Variants in ZC3H7B observed in about 807,000 individuals in gnomAD.
The protein encoded by ZC3H7B is zinc finger CCCH domain-containing protein 7B.
ZC3H7B carries 35 observed loss-of-function variants against 116.0 expected under a neutral mutation model. The ratio of observed to expected loss-of-function variants is 0.30; its 90% CI spans 0.23 to 0.40. The LOEUF (loss-of-function observed/expected upper bound fraction) is 0.40. ZC3H7B is among the 10% of genes least tolerant of loss of function. ZC3H7B has a pLI of 1.00. For synonymous variants in ZC3H7B, 502 were observed against 545.6 expected (o/e 0.92, Z 1.11); for missense variants, 1,011 against 1,321.5 (o/e 0.77, Z 3.64).
intron 16 of ZC3H7B, among the ~76,000 whole-genome samples, chr22:41,350,384 T>G (rs2036640956): frequency 6.6e-6 from 1 of 152,076 alleles, no homozygotes; most frequent in Admixed American, 6.5e-5. Flanking sequence ...TGGGTGGAGT[T>G]ATATGATCTG....
In ZC3H7B at chr22:41,339,052, C is replaced by T. The variant is rs142339754; in HGVS notation, c.677C>T (p.Thr226Met). 129 of 1,609,070 alleles carry T rather than the reference C, an allele frequency of 8.0e-5. No homozygotes were observed. The highest frequency in any genetic ancestry group is 1.0e-4 in the Non-Finnish European group (119 of 1,177,200). The stretch of plus-strand genomic sequence containing the variant: ...CCAGCCCTTCTCCCCTCCACGCCCA[C>T]GATGCCCCTGTTCCCTCACGTTCTG... ...GSPALLPSTP[T>M]MPLFPHVLDL... The change falls in exon 9 of 23, where the codon ACG becomes ATG. Residue 226 changes from threonine to methionine, a missense_variant. By Grantham distance (81) the Thr-to-Met change is moderately conservative (BLOSUM62 -1). Around this residue, in one of 5 missense-constraint regions of ZC3H7B, gnomAD observed 322 missense variants for 443.9 expected, o/e 0.73. Coordinates refer to ENST00000352645, the MANE Select transcript of ZC3H7B (RefSeq NM_017590.6).
rs911002791 is a variant in ZC3H7B at position 41,327,660 on chromosome 22, C to G, written c.444+296C>G. ...TGATGAGGCCAGACACAGTGGCTCACGCCTGTAATCTCAGCACTTTCGGAG... is the reference window on the plus strand; with the variant it reads ...TGATGAGGCCAGACACAGTGGCTCAGGCCTGTAATCTCAGCACTTTCGGAG... On this transcript the variant is annotated intron_variant, in intron 5 of 22. Transcript: ENST00000352645. This position sits in a 1 kb window ranked among gnomAD's most constrained non-coding sequence, Gnocchi z 4.5. Among the ~76,000 whole-genome samples, 1 of 152,006 alleles carries G rather than the reference C, an allele frequency of 6.6e-6. No homozygotes were observed. The highest frequency in any genetic ancestry group is 6.6e-5 in the Admixed American group (1 of 15,256).
At chr22:41,323,609 G>A (rs1433824516) in intron 2 of ZC3H7B, among the ~76,000 whole-genome samples, 1 of 152,208 alleles carries the variant, frequency 6.6e-6, no homozygotes. Context: ...GCCTCCTAAG[G>A]CTTTGCAGGA....
In ZC3H7B at chr22:41,327,024, G is replaced by A. The variant is rs2036327971; in HGVS notation, c.286-182G>A. 6.6e-6 allele frequency among the ~76,000 whole-genome samples: 1 copy of A among 152,202 alleles called. No individual in the cohort carries two copies. Among genetic ancestry groups the A allele is most frequent in the Admixed American group, 6.5e-5 (1 of 15,276 alleles). On this transcript the variant is annotated intron_variant, in intron 4 of 22. Coordinates refer to ENST00000352645, the MANE Select transcript of ZC3H7B (RefSeq NM_017590.6). This position sits in a 1 kb window ranked among gnomAD's most constrained non-coding sequence, Gnocchi z 4.5. ...GGACACACAGACACCCTTGATCAGAGTCTGGACACCAGAGTGCTTCCTTCT... is the reference window on the plus strand; with the variant it reads ...GGACACACAGACACCCTTGATCAGAATCTGGACACCAGAGTGCTTCCTTCT...
chr22:41,305,565 C>T (rs905552791), intron 1 of ZC3H7B, among the ~76,000 whole-genome samples: 1 of 152,062 alleles, frequency 6.6e-6, no homozygotes, highest in South Asian at 2.1e-4. Context: ...ACTGGGGTAG[C>T]ATTGTCAACA....
intron 1 of ZC3H7B, among the ~76,000 whole-genome samples, chr22:41,306,750 G>GA (rs1388371200): frequency 6.6e-6 from 1 of 152,170 alleles, no homozygotes; most frequent in Non-Finnish European, 1.5e-5. Context: ...GTGGCATAGA[G>GA]AGGTTCAGTG....
At chr22:41,337,609 G>A (rs1268851159) in intron 7 of ZC3H7B, among the ~76,000 whole-genome samples, 1 of 152,216 alleles carries the variant, frequency 6.6e-6, no homozygotes, top group Non-Finnish European at 1.5e-5. Context: ...GACTCAGGGA[G>A]GGGGCACTTT....
At chr22:41,319,198 G>C (rs183982238) in intron 1 of ZC3H7B, among the ~76,000 whole-genome samples, 1 of 152,122 alleles carries the variant, frequency 6.6e-6, no homozygotes, top group African/African-American at 2.4e-5. Context: ...TCAGGCGATC[G>C]AGACCATCCT....
At chr22:41,308,795 G>A (rs901822051) in intron 1 of ZC3H7B, among the ~76,000 whole-genome samples, 1 of 152,082 alleles carries the variant, frequency 6.6e-6, no homozygotes, top group African/African-American at 2.4e-5. Context: ...TGCCTCCCAC[G>A]TGGCTTGCCC....
rs757850078 is a variant in ZC3H7B, at chr22:41,355,859, C to T, written c.2271C>T (p.Tyr757=). 28 of 1,613,562 alleles carry T rather than the reference C, an allele frequency of 1.7e-5. No homozygotes were observed. The East Asian group carries it at 2.2e-4, about 13-fold the overall frequency. The change falls in exon 19 of 23, where the codon TAC becomes TAT. Residue 757 remains tyrosine, a synonymous_variant. Coordinates refer to ENST00000352645, the MANE Select transcript of ZC3H7B (RefSeq NM_017590.6). ...LPSIRNFPQQ[Y]DLCIHAQNGR... is the part of the protein sequence containing the mutation. Reference sequence around the variant, plus strand: ...CCATTCGTAACTTCCCACAGCAATACGATGTGAGCGCTGGGATGGGGGGCT... The same window carrying T: ...CCATTCGTAACTTCCCACAGCAATATGATGTGAGCGCTGGGATGGGGGGCT...
chr22:41,315,057 G>A (rs2036163976), intron 1 of ZC3H7B, among the ~76,000 whole-genome samples: 1 of 151,744 alleles, frequency 6.6e-6, no homozygotes, highest in African/African-American at 2.4e-5. Context: ...AGTCATGCCT[G>A]ACACACGCTT....
At chr22:41,347,097 G>A (rs1021016857) in intron 14 of ZC3H7B, among the ~76,000 whole-genome samples, 5 of 152,084 alleles carry the variant, frequency 3.3e-5, no homozygotes, top group African/African-American at 9.7e-5. Context: ...AGACAGTGCC[G>A]TGCAGAACTG....
intron 2 of ZC3H7B, among the ~76,000 whole-genome samples, chr22:41,320,955 C>T (rs2036248256): frequency 6.6e-6 from 1 of 152,184 alleles, no homozygotes; most frequent in Admixed American, 6.6e-5. Flanking sequence ...GTAGGTAATT[C>T]TGCCCTCACC....
intron 1 of ZC3H7B, among the ~76,000 whole-genome samples, chr22:41,316,850 C>A (rs549765217): frequency 1.6e-4 from 24 of 150,410 alleles, no homozygotes; most frequent in African/African-American, 5.4e-4. Flanking sequence ...AATTTTTTTT[C>A]TTTTCTTTTT....
At position 41,355,760 on chromosome 22, in the gene ZC3H7B, G is replaced by T; in HGVS notation, c.2172G>T (p.Trp724Cys). ...KYCSAKARHCWTKERRVLLVM... is the reference protein window; with the variant it reads ...KYCSAKARHCCTKERRVLLVM... ...CCAACCCTGCTCTGTCCTGCAGCTG[G>T]ACCAAGGAGCGGCGGGTCCTTCTGG... The change falls in exon 19 of 23, where the codon TGG (tryptophan) becomes TGT (cysteine). Residue 724 changes from tryptophan (W) to cysteine (C), a missense_variant. Coordinates refer to ENST00000352645, the MANE Select transcript of ZC3H7B (RefSeq NM_017590.6). 1.2e-6 allele frequency: 2 copies of T among 1,613,970 alleles called. No homozygotes were observed. The highest frequency in any genetic ancestry group is 2.2e-5 in the South Asian group (2 of 91,066).
At position 41,357,752 on chromosome 22, in the gene ZC3H7B, G is replaced by C; in HGVS notation, c.*323G>C. The C allele has an allele frequency of 2.6e-6, 1 of 384,254 alleles. No individual in the cohort carries two copies. The highest frequency in any genetic ancestry group is 4.9e-6 in the Non-Finnish European group (1 of 206,102). 23.8% of individuals were successfully genotyped at this position (384,254 alleles called of 1,614,324 possible). ...CTTTAACTTCTGTCTGCTCCTAATGGGGGCCCAAAGCTCAGGGCTGGGGAG... is the reference window on the plus strand; with the variant it reads ...CTTTAACTTCTGTCTGCTCCTAATGCGGGCCCAAAGCTCAGGGCTGGGGAG... On this transcript the variant is annotated 3_prime_UTR_variant, in exon 23 of 23. Coordinates refer to ENST00000352645, the MANE Select transcript of ZC3H7B (RefSeq NM_017590.6). This position sits in a 1 kb window ranked among gnomAD's most constrained non-coding sequence, Gnocchi z 5.4.
rs373405820 is a variant in ZC3H7B at position 41,320,723 on chromosome 22, C to T, written c.53+10C>T. On this transcript the variant is annotated intron_variant, in intron 2 of 22. Transcript: ENST00000352645. Reference sequence around the variant, plus strand: ...GGCTGCAGTTCATTCAGTAAGCCTGCATGCGGCAGGGGCTGGACGGCTGGG... The same window carrying T: ...GGCTGCAGTTCATTCAGTAAGCCTGTATGCGGCAGGGGCTGGACGGCTGGG... 4.4e-6 allele frequency: 7 copies of T among 1,577,142 alleles called. No individual in the cohort carries two copies. The African/African-American group carries it at 8.1e-5, about 18-fold the overall frequency.
chr22:41,302,262 G>A lies in ZC3H7B; in HGVS notation c.-7+490G>A, dbSNP rs2035977025. Reference sequence around the variant, plus strand: ...GCCCCGCAGCACCCGGAGTTGGAGGGGCCGCGGCGAGGGCCGGGGAGCGGG... The same window carrying A: ...GCCCCGCAGCACCCGGAGTTGGAGGAGCCGCGGCGAGGGCCGGGGAGCGGG... On this transcript the variant is annotated intron_variant, in intron 1 of 22. Transcript: ENST00000352645. The surrounding 1 kb of genome is among the most constrained non-coding windows in gnomAD (Gnocchi z 5.7). 6.6e-6 allele frequency among the ~76,000 whole-genome samples: 1 copy of A among 151,686 alleles called. No homozygotes were observed. Among genetic ancestry groups the A allele is most frequent in the African/African-American group, 2.4e-5 (1 of 41,360 alleles).
At chr22:41,328,534 C>T (rs899559623) in intron 5 of ZC3H7B, among the ~76,000 whole-genome samples, 2 of 152,140 alleles carry the variant, frequency 1.3e-5, no homozygotes, top group Non-Finnish European at 2.9e-5. Context: ...TGCCTGGACC[C>T]CAGTTTGTAG....
Sources: allele counts gnomAD v4.1 joint callset (sites outside exome capture counted in the v4.1 genomes callset), GRCh38; gene constraint gnomAD v4.1.1; regional missense constraint gnomAD v4.1.1; non-coding constraint Gnocchi (gnomAD v3.1); transcripts MANE v1.5; gene names NCBI Gene and HGNC (gene_info 2026-07-23, HGNC 2026-07-21).